Variants in CSMD3 observed in about 807,000 individuals in gnomAD.
The protein encoded by CSMD3 is CUB and Sushi multiple domains 3.
Under a neutral mutation model 435.2 loss-of-function variants are expected in CSMD3, and 177 were observed. The observed-to-expected ratio is 0.41, with a 90% CI of 0.36 to 0.46. The LOEUF (loss-of-function observed/expected upper bound fraction) is 0.46. CSMD3 is among the 20% of genes least tolerant of loss of function. The pLI is 0.34. For synonymous variants in CSMD3, 1,656 were observed against 1,520.5 expected, an observed-to-expected ratio of 1.09 and a Z score of -2.07; for missense variants, 4,265 against 4,504.6, an observed-to-expected ratio of 0.95 and a Z score of 1.52.
At chr8:112,640,987 C>T (rs1048374198) in intron 20 of CSMD3, among the ~76,000 whole-genome samples, 3 of 152,076 alleles carry the variant, frequency 2.0e-5, no homozygotes, top group African/African-American at 4.8e-5. Flanking sequence ...AATTAATTAT[C>T]GGTGCCAACA....
chr8:112,572,613 G>A (rs1004218027), intron 24 of CSMD3, among the ~76,000 whole-genome samples: 2 of 151,944 alleles, frequency 1.3e-5, no homozygotes, highest in African/African-American at 4.8e-5. Context: ...AGTAAATTTT[G>A]TCAAGCATTC....
intron 8 of CSMD3, among the ~76,000 whole-genome samples, chr8:112,948,851 C>G (rs910759636): frequency 6.6e-6 from 1 of 151,964 alleles, no homozygotes; most frequent in Non-Finnish European, 1.5e-5. Flanking sequence ...ACTTCTACCT[C>G]TAGATATTCT....
At chr8:113,106,304 C>T (rs1055632891) in intron 4 of CSMD3, among the ~76,000 whole-genome samples, 1 of 151,480 alleles carries the variant, frequency 6.6e-6, no homozygotes, top group South Asian at 2.1e-4. Flanking sequence ...CGTTAAGAGA[C>T]ACAAAATATA....
chr8:112,550,899 T>C, intron 26 of CSMD3, 26 bp from the exon 27 acceptor site: 1 of 1,538,040 alleles, frequency 6.5e-7, no homozygotes, highest in Non-Finnish European at 9.0e-7. Context: ...ATTTCTCTGA[T>C]TATTTTAAAC....
intron 13 of CSMD3, among the ~76,000 whole-genome samples, chr8:112,727,740 G>T (rs2076995857): frequency 6.6e-6 from 1 of 151,576 alleles, no homozygotes; most frequent in Non-Finnish European, 1.5e-5. Context: ...TCTATTTTAT[G>T]TTACTTTTTA....
intron 1 of CSMD3, among the ~76,000 whole-genome samples, chr8:113,396,235 A>T (rs79073565): frequency 7.6e-4 from 115 of 152,290 alleles, no homozygotes; most frequent in African/African-American, 2.8e-3. Context: ...TAATATTATG[A>T]AGTTCTTAGG....
intron 36 of CSMD3, among the ~76,000 whole-genome samples, chr8:112,386,657 C>G (rs1228576725): frequency 6.6e-6 from 1 of 152,050 alleles, no homozygotes; most frequent in East Asian, 1.9e-4. Flanking sequence ...GCCACCACGC[C>G]CGGCTAATTT....
intron 1 of CSMD3, among the ~76,000 whole-genome samples, chr8:113,347,660 C>T (rs979826066): frequency 6.6e-6 from 1 of 152,100 alleles, no homozygotes; most frequent in Non-Finnish European, 1.5e-5. Context: ...ACTGAATTGG[C>T]TTTCACACAG....
rs377129607 is a variant in CSMD3, at chr8:113,211,691, AAAAT to A, written c.515-37779_515-37776del. Among the ~76,000 whole-genome samples the A allele has an allele frequency of 2.6e-5, 4 of 152,098 alleles. 1 individual carries two copies. In the South Asian group the frequency reaches 8.3e-4, roughly 31 times the overall value. ...ATGACAGAGGAAGACTCCGTCTCAA[AAAAT>A]AAATAAATAAATAAATAATAAAAGC... On this transcript the variant is annotated intron_variant, in intron 3 of 70. Transcript: ENST00000297405.
intron 4 of CSMD3, among the ~76,000 whole-genome samples, chr8:113,104,406 C>T (rs2090417841): frequency 6.6e-6 from 1 of 152,072 alleles, no homozygotes; most frequent in Non-Finnish European, 1.5e-5. Context: ...ATTAGGCAAA[C>T]TATTTAAATA....
intron 32 of CSMD3, among the ~76,000 whole-genome samples, chr8:112,424,598 T>A (rs891812123): frequency 6.6e-6 from 1 of 152,224 alleles, no homozygotes; most frequent in Non-Finnish European, 1.5e-5. Context: ...TCAGTTTCCC[T>A]AACTATGTCA....
chr8:112,795,646 A>C (rs2078810625), intron 13 of CSMD3, among the ~76,000 whole-genome samples: 1 of 152,126 alleles, frequency 6.6e-6, no homozygotes, highest in Non-Finnish European at 1.5e-5. Context: ...AGGATGGTAG[A>C]GGGAATTCAA....
At chr8:112,342,563 T>A (rs1419452305) in intron 41 of CSMD3, among the ~76,000 whole-genome samples, 1 of 152,118 alleles carries the variant, frequency 6.6e-6, no homozygotes, top group Non-Finnish European at 1.5e-5. Flanking sequence ...TCTCACCATT[T>A]CATGAGAACA....
chr8:112,479,196 GCTTTCAAAGTGTTGGAGAAGAA>G (rs1313498428), intron 31 of CSMD3, among the ~76,000 whole-genome samples: 1 of 152,224 alleles, frequency 6.6e-6, no homozygotes, highest in African/African-American at 2.4e-5. Flanking sequence ...GAGATTCACG[GCTTTCAAAGTGTTGGAGAAGAA>G]AATATCGTAC....
intron 1 of CSMD3, among the ~76,000 whole-genome samples, chr8:113,369,919 G>A (rs192685523): frequency 1.8e-3 from 281 of 151,954 alleles, no homozygotes; most frequent in Non-Finnish European, 1.8e-3. Context: ...GACAGTGGGG[G>A]ATTGGGAGAT....
At chr8:112,597,318 A>G (rs1259947596) in intron 22 of CSMD3, among the ~76,000 whole-genome samples, 1 of 152,044 alleles carries the variant, frequency 6.6e-6, no homozygotes, top group East Asian at 1.9e-4. Context: ...CTAAACCAGG[A>G]AGAAGTTGAA....
chr8:112,675,750 T>C (rs1027214631), intron 16 of CSMD3, among the ~76,000 whole-genome samples: 21 of 152,190 alleles, frequency 1.4e-4, no homozygotes, highest in African/African-American at 4.1e-4. Context: ...CAAGTCTCTT[T>C]AGAGAAGAAT....
intron 31 of CSMD3, among the ~76,000 whole-genome samples, chr8:112,474,960 T>C (rs1818897137): frequency 6.6e-6 from 1 of 152,196 alleles, no homozygotes; most frequent in African/African-American, 2.4e-5. Context: ...TCACTCATTA[T>C]TGTCTGAGAT....
At chr8:112,466,594 A>T (rs1563573883) in intron 32 of CSMD3, among the ~76,000 whole-genome samples, 1 of 152,334 alleles carries the variant, frequency 6.6e-6, no homozygotes, top group East Asian at 1.9e-4. Flanking sequence ...ATGGAAAAAC[A>T]TATATGTATA....
Sources: gnomAD v4.1 joint callset for allele counts (sites outside exome capture counted in the v4.1 genomes callset) on GRCh38, gnomAD v4.1.1 for gene constraint, MANE v1.5 for transcripts, NCBI Gene and HGNC (gene_info 2026-07-23, HGNC 2026-07-21) for gene names.